Variants in FANCC observed in about 807,000 individuals in gnomAD.
The protein encoded by FANCC is FA complementation group C.
Under a neutral mutation model 71.3 loss-of-function variants are expected in FANCC, and 55 were observed. That is an observed-to-expected ratio of 0.77 (90% confidence interval 0.62 to 0.97). The LOEUF is 0.97. Ranked by LOEUF, FANCC falls within the 50% of genes least tolerant of loss-of-function variation. The probability of loss-of-function intolerance (pLI) is 0.00; values close to 1 mark genes in which losing one functional copy is unlikely to be tolerated. For missense variants in FANCC, 678 were observed against 670.9 expected (o/e 1.01, Z -0.12); for synonymous variants, 275 against 244.9 (o/e 1.12, Z -1.15).
chr9:95,239,311 C>A (rs1416974577), intron 4 of FANCC, among the ~76,000 whole-genome samples: 1 of 152,094 alleles, frequency 6.6e-6, no homozygotes, highest in Non-Finnish European at 1.5e-5. Context: ...TGTTTTAACT[C>A]CCTGAACTAT....
intron 4 of FANCC, among the ~76,000 whole-genome samples, chr9:95,209,425 T>A (rs1299181412): frequency 6.6e-6 from 1 of 152,154 alleles, no homozygotes; most frequent in Non-Finnish European, 1.5e-5. Flanking sequence ...TTGTGACCAA[T>A]GCATCCCTCT....
intron 4 of FANCC, 40 bp downstream of exon 4, chr9:95,240,608 AT>A (rs1830577722): frequency 6.8e-7 from 1 of 1,465,292 alleles, no homozygotes; most frequent in Admixed American, 1.7e-5. Flanking sequence ...TAAATAATCA[AT>A]TTAATTCAAA....
chr9:95,135,052 C>G (rs1564678015), intron 8 of FANCC, among the ~76,000 whole-genome samples: 1 of 152,152 alleles, frequency 6.6e-6, no homozygotes, highest in Non-Finnish European at 1.5e-5. Flanking sequence ...ATTTTCCATG[C>G]TGAAATAAGA....
intron 7 of FANCC, among the ~76,000 whole-genome samples, chr9:95,144,760 A>G (rs1188880069): frequency 2.6e-5 from 4 of 152,192 alleles, no homozygotes; most frequent in African/African-American, 4.8e-5. Context: ...CGCCGTGGAG[A>G]GTAAAAATGC....
intron 6 of FANCC, among the ~76,000 whole-genome samples, chr9:95,151,299 C>T (rs1588184704): frequency 6.6e-6 from 1 of 152,294 alleles, no homozygotes; most frequent in East Asian, 1.9e-4. Context: ...TCCTCACACA[C>T]AGCACGTGCT....
chr9:95,247,312 A>G (rs1415542497), intron 3 of FANCC, 120 bp downstream of exon 3: 6 of 764,968 alleles, frequency 7.8e-6, no homozygotes, highest in Non-Finnish European at 1.4e-5. Context: ...CAATGAATAC[A>G]TTTGATAAGT....
intron 1 of FANCC, among the ~76,000 whole-genome samples, chr9:95,270,554 A>T (rs900289209): frequency 1.3e-5 from 2 of 152,270 alleles, no homozygotes; most frequent in African/African-American, 4.8e-5. Flanking sequence ...CTAAATGTGC[A>T]GTTCATACTC....
At chr9:95,141,646 A>G (rs1386419556) in intron 7 of FANCC, among the ~76,000 whole-genome samples, 1 of 152,218 alleles carries the variant, frequency 6.6e-6, no homozygotes, top group Non-Finnish European at 1.5e-5. Flanking sequence ...GGTATTCAAA[A>G]GAATCTGTGG....
chr9:95,198,467 C>A (rs1251110051), intron 4 of FANCC, among the ~76,000 whole-genome samples: 1 of 152,180 alleles, frequency 6.6e-6, no homozygotes, highest in African/African-American at 2.4e-5. Context: ...CATCCTCTGA[C>A]TTCTCTGAAA....
chr9:95,171,924 CAAAG>C lies in FANCC; in HGVS notation c.456+109_456+112del, dbSNP rs45493695. ...TCTGCCCAAGGTAAGAAGAGATAAA[CAAAG>C]AAAAGTTAAACATCTCTTCTGGAGG... On this transcript the variant is annotated intron_variant, in intron 5 of 14. Coordinates refer to ENST00000289081, the MANE Select transcript of FANCC (RefSeq NM_000136.3). The C allele has an allele frequency of 1.1e-3, 788 of 736,108 alleles. 3 individuals carry two copies. Among genetic ancestry groups the C allele is most frequent in the Admixed American group, 3.2e-3 (152 of 48,058 alleles). 45.6% of individuals were successfully genotyped at this position (736,108 alleles called of 1,614,324 possible).
intron 1 of FANCC, among the ~76,000 whole-genome samples, chr9:95,263,480 G>A (rs1403961457): frequency 2.7e-5 from 4 of 148,582 alleles, no homozygotes; most frequent in Admixed American, 6.7e-5. Flanking sequence ...ATATATATAT[G>A]TGTGTGTGTG....
Position 95,249,351 on chromosome 9 carries a change from T to C in FANCC, c.-60A>G. ...GCAGCCTGTCCAGCACTGAAGGAAA[T>C]GGTCGGCACACATTAAATCTGTAAG... On this transcript the variant is annotated 5_prime_UTR_variant, in exon 2 of 15. Coordinates refer to ENST00000289081, the MANE Select transcript of FANCC (RefSeq NM_000136.3). 1.3e-6 allele frequency: 2 copies of C among 1,511,438 alleles called. No individual in the cohort carries two copies. Among genetic ancestry groups the C allele is most frequent in the South Asian group, 1.1e-5 (1 of 88,642 alleles). The allele number at this position is 1,511,438 out of a possible 1,614,324, so 93.6% of individuals were successfully genotyped here.
chr9:95,163,933 T>A (rs771616932), intron 6 of FANCC, among the ~76,000 whole-genome samples: 2 of 152,254 alleles, frequency 1.3e-5, no homozygotes, highest in Non-Finnish European at 2.9e-5. Context: ...TATTTATGTC[T>A]TATTTAATTT....
At chr9:95,168,777 C>A (rs541509092) in intron 6 of FANCC, among the ~76,000 whole-genome samples, 3 of 152,366 alleles carry the variant, frequency 2.0e-5, no homozygotes, top group East Asian at 3.9e-4. Context: ...GATCTACCTA[C>A]TTCAGCCTCC....
chr9:95,123,532 A>G, intron 10 of FANCC: 1 of 513,390 alleles, frequency 1.9e-6, no homozygotes, highest in Non-Finnish European at 3.9e-6. Flanking sequence ...TGATGAAAAA[A>G]AGAAGGAACA....
At chr9:95,309,720 T>C (rs1835271537) in intron 1 of FANCC, among the ~76,000 whole-genome samples, 1 of 152,178 alleles carries the variant, frequency 6.6e-6, no homozygotes, top group South Asian at 2.1e-4. Flanking sequence ...GGCTAAGTTA[T>C]GATGTAGTAA....
chr9:95,105,205 C>G lies in FANCC; in HGVS notation c.1533+1861G>C, dbSNP rs542788301. On this transcript the variant is annotated intron_variant, in intron 14 of 14. Transcript: ENST00000289081. Reference sequence around the variant, plus strand: ...CCTGGGCCCACTCCACAGGACTGTCCTACCAGGATGGAGACAATCTCCTGG... The same window carrying G: ...CCTGGGCCCACTCCACAGGACTGTCGTACCAGGATGGAGACAATCTCCTGG... Among the ~76,000 whole-genome samples the G allele has an allele frequency of 8.6e-4, 131 of 152,312 alleles. 1 individual carries two copies. The highest frequency in any genetic ancestry group is 6.5e-3 in the Admixed American group (100 of 15,306).
intron 4 of FANCC, among the ~76,000 whole-genome samples, chr9:95,208,549 G>A (rs918708680): frequency 2.6e-5 from 4 of 152,116 alleles, no homozygotes; most frequent in African/African-American, 9.7e-5. Context: ...AACTTAACTA[G>A]AAGAAAACTA....
At chr9:95,112,775 G>A (rs1054917443) in intron 12 of FANCC, among the ~76,000 whole-genome samples, 6 of 152,218 alleles carry the variant, frequency 3.9e-5, no homozygotes, top group Admixed American at 1.3e-4. Flanking sequence ...GAATGCACAA[G>A]CAGTCCCATG....
Sources: allele counts gnomAD v4.1 joint callset (sites outside exome capture counted in the v4.1 genomes callset), GRCh38; gene constraint gnomAD v4.1.1; transcripts MANE v1.5; gene names NCBI Gene and HGNC (gene_info 2026-07-23, HGNC 2026-07-21).